RPH3AL: variants seen among roughly 807,000 people sequenced by gnomAD.
The protein encoded by RPH3AL is rab effector Noc2.
Under a neutral mutation model 43.1 loss-of-function variants are expected in RPH3AL, and 38 were observed. That is an observed-to-expected ratio of 0.88 (90% CI 0.68 to 1.15). The LOEUF is 1.15. RPH3AL is among the 50% of genes most tolerant of loss of function. The probability of loss-of-function intolerance (pLI) is 0.00; values close to 1 mark genes in which losing one functional copy is unlikely to be tolerated. For synonymous variants in RPH3AL, 189 were observed against 176.3 expected, an observed-to-expected ratio of 1.07 and a Z score of -0.57; for missense variants, 462 against 423.2, an observed-to-expected ratio of 1.09 and a Z score of -0.81.
At chr17:224,934 G>A (rs935996840) in intron 7 of RPH3AL, among the ~76,000 whole-genome samples, 13 of 147,006 alleles carry the variant, frequency 8.8e-5, no homozygotes, top group South Asian at 4.5e-4. Context: ...TGGACACAGG[G>A]TGGGGAACAT....
At position 215,816 on chromosome 17, in the gene RPH3AL, C is replaced by T. The variant is rs369677972; in HGVS notation, c.728-14G>A. ...CCACGCTGCCACCTGTGGGAAATCA[C>T]GTGTGGGCCCCGTGGATCTCAAACC... On this transcript the variant is annotated splice_polypyrimidine_tract_variant and intron_variant, in intron 8 of 9. Transcript: ENST00000331302. The surrounding 1 kb of genome is among the most constrained non-coding windows in gnomAD (Gnocchi z 4.1). 4.6e-5 allele frequency: 60 copies of T among 1,300,714 alleles called. No individual in the cohort carries two copies. The South Asian group carries it at 4.9e-4, about 11-fold the overall frequency. The allele number at this position is 1,300,714 out of a possible 1,614,324, so 80.6% of individuals were successfully genotyped here. A position where few individuals can be genotyped will look rare whatever the true frequency, so the allele number is the denominator to read the frequency against.
intron 5 of RPH3AL, among the ~76,000 whole-genome samples, chr17:294,324 G>A (rs557865867): frequency 4.6e-5 from 7 of 152,162 alleles, no homozygotes; most frequent in South Asian, 2.1e-4. Context: ...AAAATTAGCC[G>A]AGCATGCTGG....
intron 6 of RPH3AL, chr17:261,863 C>G (rs969923425): frequency 1.3e-5 from 2 of 152,092 alleles, no homozygotes; most frequent in African/African-American, 4.8e-5. Context: ...GGGAAGTTCC[C>G]GGAAGGCAGC....
chr17:352,406 C>T (rs1042857508), intron 1 of RPH3AL, among the ~76,000 whole-genome samples: 2 of 152,146 alleles, frequency 1.3e-5, no homozygotes, highest in African/African-American at 4.8e-5. Context: ...AACGGAGGCA[C>T]CAGCGGGGCA....
intron 7 of RPH3AL, among the ~76,000 whole-genome samples, chr17:224,430 C>T (rs2041061523): frequency 6.6e-6 from 1 of 152,252 alleles, no homozygotes; most frequent in Admixed American, 6.5e-5. Flanking sequence ...GCCCACCCGT[C>T]TTCTCTTGGC....
chr17:234,304 C>G (rs1488863055), intron 7 of RPH3AL: 1 of 118,276 alleles, frequency 8.5e-6, no homozygotes. Context: ...AACTTTCCCC[C>G]AAGCGGGGAG....
chr17:336,225 G>A (rs1324119269), intron 1 of RPH3AL, among the ~76,000 whole-genome samples: 2 of 152,174 alleles, frequency 1.3e-5, no homozygotes, highest in South Asian at 2.1e-4. Context: ...CGGGAAACAC[G>A]AGGAGGGCAG....
chr17:284,287 G>A (rs1403368147), intron 5 of RPH3AL, among the ~76,000 whole-genome samples: 1 of 152,126 alleles, frequency 6.6e-6, no homozygotes, highest in Non-Finnish European at 1.5e-5. Context: ...GAGATGACTC[G>A]GGCTGCCCGA....
intron 5 of RPH3AL, among the ~76,000 whole-genome samples, chr17:316,038 C>T: frequency 1.3e-5 from 2 of 151,808 alleles, no homozygotes; most frequent in African/African-American, 4.8e-5. Flanking sequence ...CTCCATTGAC[C>T]TGTAGTCCCT....
chr17:337,770 C>T (rs1434687360), intron 1 of RPH3AL, among the ~76,000 whole-genome samples: 4 of 151,128 alleles, frequency 2.6e-5, no homozygotes, highest in Non-Finnish European at 4.4e-5. Context: ...GAGGGCTGGG[C>T]AGGGGTTTTT....
chr17:304,677 G>T (rs1193891673), intron 5 of RPH3AL, among the ~76,000 whole-genome samples: 1 of 152,080 alleles, frequency 6.6e-6, no homozygotes, highest in Non-Finnish European at 1.5e-5. Flanking sequence ...GAACCAATGA[G>T]CCTGGCTGGA....
At chr17:249,215 C>A (rs1555541354) in intron 6 of RPH3AL, among the ~76,000 whole-genome samples, 3 of 152,094 alleles carry the variant, frequency 2.0e-5, no homozygotes, top group Non-Finnish European at 4.4e-5. Flanking sequence ...GAACACTTTG[C>A]AAAAACCTCA....
chr17:260,390 G>A (rs143441234), intron 6 of RPH3AL, among the ~76,000 whole-genome samples: 4 of 152,346 alleles, frequency 2.6e-5, no homozygotes, highest in Non-Finnish European at 5.9e-5. Flanking sequence ...TTCAAGGGCA[G>A]GGCTGTGCCT....
chr17:327,516 T>C lies in RPH3AL; in HGVS notation c.28A>G (p.Asn10Asp). 6.2e-7 allele frequency: 1 copy of C among 1,613,820 alleles called. No homozygotes were observed. The highest frequency in any genetic ancestry group is 8.5e-7 in the Non-Finnish European group (1 of 1,179,916). Residue 10 changes from asparagine (N) to aspartate (D), a missense_variant, in exon 3 of 10, where the codon AAT (asparagine) becomes GAT (aspartate). Asn to Asp is a conservative substitution (Grantham distance 23). Transcript: ENST00000331302. MADTIFGSG[N>D]DQWVCPNDRQ... The stretch of plus-strand genomic sequence containing the variant: ...TCATTGGGGCAAACCCACTGATCAT[T>C]CCCGCTGCCGAAGATGGTGTCGGCC...
At chr17:326,366 C>G (rs1382995914) in intron 3 of RPH3AL, among the ~76,000 whole-genome samples, 1 of 152,156 alleles carries the variant, frequency 6.6e-6, no homozygotes. Context: ...TTAATTTGGT[C>G]CCACTTGGGA....
At chr17:307,231 TCCCACGGCAGGTCCTC>T (rs1567633835) in intron 5 of RPH3AL, among the ~76,000 whole-genome samples, 427 of 23,156 alleles carry the variant, frequency 0.018, 5 homozygotes, top group African/African-American at 0.044. Context: ...GGCAGGTCCA[TCCCACGGCAGGTCCTC>T]CCCACGGCAG....
intron 6 of RPH3AL, among the ~76,000 whole-genome samples, chr17:280,703 T>C (rs934136957): frequency 6.6e-6 from 1 of 152,092 alleles, no homozygotes; most frequent in African/African-American, 2.4e-5. Flanking sequence ...CTTAGTGACT[T>C]GGAAGGCAGT....
chr17:237,065 G>A (rs1210420431), intron 7 of RPH3AL, among the ~76,000 whole-genome samples: 2 of 152,176 alleles, frequency 1.3e-5, no homozygotes, highest in Non-Finnish European at 2.9e-5. Context: ...ACAGCTCGGA[G>A]GGACTCAGCT....
In RPH3AL at chr17:323,944, G is replaced by A. The variant is rs959341611; in HGVS notation, c.78-2529C>T. Among the ~76,000 whole-genome samples, 12 of 150,538 alleles carry A rather than the reference G, an allele frequency of 8.0e-5. No individual in the cohort carries two copies. The highest frequency in any genetic ancestry group is 1.3e-4 in the Non-Finnish European group (9 of 67,624). On this transcript the variant is annotated intron_variant, in intron 3 of 9. Transcript: ENST00000331302. The surrounding 1 kb of genome is among the most constrained non-coding windows in gnomAD (Gnocchi z 4.4). ...GTGGGCCCAGACCCTCAGTCACCCC[G>A]AGAGGCAGGCCTGGACCCTCACAGT... is the stretch of plus-strand genomic sequence containing the variant.
Sources: allele counts gnomAD v4.1 joint callset (sites outside exome capture counted in the v4.1 genomes callset), GRCh38; gene constraint gnomAD v4.1.1; non-coding constraint Gnocchi (gnomAD v3.1); transcripts MANE v1.5; gene names NCBI Gene and HGNC (gene_info 2026-07-23, HGNC 2026-07-21).